CPNE4: variants seen among roughly 807,000 people sequenced by gnomAD.
CPNE4 encodes copine-4.
CPNE4 carries 25 observed loss-of-function variants against 67.9 expected under a neutral mutation model. The ratio of observed to expected loss-of-function variants is 0.37; its 90% CI spans 0.27 to 0.51. CPNE4 has a LOEUF of 0.51. Among genes scored for constraint, CPNE4 ranks in the 20% least tolerant of loss-of-function variants. CPNE4 has a pLI of 0.93. For synonymous variants in CPNE4, 242 were observed against 244.9 expected (o/e 0.99, Z 0.11); for missense variants, 464 against 690.8 (o/e 0.67, Z 3.68).
intron 1 of CPNE4, among the ~76,000 whole-genome samples, chr3:131,945,748 C>G (rs770516798): frequency 6.6e-6 from 1 of 152,178 alleles, no homozygotes; most frequent in Non-Finnish European, 1.5e-5. Flanking sequence ...CTCCTGGCAT[C>G]TCCTTCTTAG....
At chr3:131,549,546 T>C (rs1051965272) in intron 14 of CPNE4, among the ~76,000 whole-genome samples, 10 of 152,156 alleles carry the variant, frequency 6.6e-5, no homozygotes, top group Non-Finnish European at 1.0e-4. Context: ...GAATCATCCA[T>C]TGTTTTACTT....
intron 7 of CPNE4, among the ~76,000 whole-genome samples, chr3:131,652,674 C>T (rs2079844237): frequency 6.6e-6 from 1 of 152,128 alleles, no homozygotes; most frequent in Non-Finnish European, 1.5e-5. Flanking sequence ...TCCTTCTAGT[C>T]ATACACACAC....
chr3:131,623,899 C>A (rs7646444), intron 7 of CPNE4, among the ~76,000 whole-genome samples: 41,902 of 152,006 alleles, frequency 0.28, 9,523 homozygotes, highest in African/African-American at 0.63. Flanking sequence ...TTCATTCAAT[C>A]GGTAATGGGT....
intron 1 of CPNE4, among the ~76,000 whole-genome samples, chr3:131,947,585 C>T (rs963008545): frequency 6.6e-6 from 1 of 152,198 alleles, no homozygotes; most frequent in South Asian, 2.1e-4. Context: ...TTTATGGCTG[C>T]ATAGTATTCC....
At chr3:131,549,327 C>T (rs1292697384) in intron 14 of CPNE4, among the ~76,000 whole-genome samples, 1 of 151,934 alleles carries the variant, frequency 6.6e-6, no homozygotes, top group Non-Finnish European at 1.5e-5. Context: ...TCCACTAAAT[C>T]TGGAAAAAAT....
At chr3:131,841,078 C>A (rs1174749126) in intron 2 of CPNE4, among the ~76,000 whole-genome samples, 1 of 152,144 alleles carries the variant, frequency 6.6e-6, no homozygotes, top group Non-Finnish European at 1.5e-5. Context: ...AATGGTTAGA[C>A]AGAACCATCA....
At chr3:131,822,729 G>A (rs949827221) in intron 2 of CPNE4, among the ~76,000 whole-genome samples, 4 of 152,160 alleles carry the variant, frequency 2.6e-5, no homozygotes, top group African/African-American at 4.8e-5. Context: ...CATTTGGGAA[G>A]TATTCCTGTT....
intron 7 of CPNE4, among the ~76,000 whole-genome samples, chr3:131,607,113 C>T (rs989332856): frequency 2.0e-5 from 3 of 151,790 alleles, no homozygotes; most frequent in Non-Finnish European, 2.9e-5. Flanking sequence ...CTCCTCTAAA[C>T]AATAATTATG....
intron 7 of CPNE4, among the ~76,000 whole-genome samples, chr3:131,613,330 T>C (rs1231612803): frequency 6.6e-6 from 1 of 152,206 alleles, no homozygotes; most frequent in Non-Finnish European, 1.5e-5. Context: ...TCTAGTTTCT[T>C]GTGGCTTCAC....
chr3:131,785,441 C>T (rs111914504), intron 2 of CPNE4, among the ~76,000 whole-genome samples: 91 of 152,210 alleles, frequency 6.0e-4, no homozygotes, highest in African/African-American at 2.0e-3. Flanking sequence ...TACTGTGACG[C>T]CATGACCACT....
chr3:131,536,011 G>T (rs1935123732), intron 15 of CPNE4, among the ~76,000 whole-genome samples: 1 of 152,174 alleles, frequency 6.6e-6, no homozygotes, highest in Admixed American at 6.6e-5. Flanking sequence ...TTAATACATA[G>T]AGAAGGGGTA....
chr3:132,029,622 A>C (rs546152430), intron 1 of CPNE4, among the ~76,000 whole-genome samples: 22 of 152,194 alleles, frequency 1.4e-4, no homozygotes, highest in Non-Finnish European at 3.2e-4. Flanking sequence ...CTACACTTGG[A>C]TAAGAAAGAG....
At chr3:131,703,482 G>C (rs1023370397) in intron 3 of CPNE4, among the ~76,000 whole-genome samples, 1 of 152,174 alleles carries the variant, frequency 6.6e-6, no homozygotes. Context: ...ATCCACCCAC[G>C]GATCTGGGGA....
At position 131,681,898 on chromosome 3, in the gene CPNE4, A is replaced by G. The variant is rs567052043; in HGVS notation, c.591+3977T>C. On this transcript the variant is annotated intron_variant, in intron 6 of 15. Transcript: ENST00000429747. ...GCTAATTCTTTCTTCTGCTTGATCA[A>G]TTCTGCTGTTAGGATAATTTGATAC... is the stretch of plus-strand genomic sequence containing the variant. 5.3e-5 allele frequency among the ~76,000 whole-genome samples: 8 copies of G among 151,956 alleles called. No individual in the cohort carries two copies. The South Asian group carries it at 1.5e-3, about 28-fold the overall frequency.
intron 1 of CPNE4, among the ~76,000 whole-genome samples, chr3:131,983,044 AT>A (rs1253561426): frequency 6.6e-6 from 1 of 152,068 alleles, no homozygotes; most frequent in Non-Finnish European, 1.5e-5. Context: ...TGTTACCAAA[AT>A]TTTTGTCTAA....
At chr3:131,851,810 G>A (rs969167032) in intron 2 of CPNE4, among the ~76,000 whole-genome samples, 1 of 152,024 alleles carries the variant, frequency 6.6e-6, no homozygotes, top group African/African-American at 2.4e-5. Context: ...ATACATAAAA[G>A]GGGTCTTTTA....
chr3:131,999,345 G>C (rs61794864), intron 1 of CPNE4, among the ~76,000 whole-genome samples: 28,802 of 150,288 alleles, frequency 0.19, 3,403 homozygotes, highest in East Asian at 0.4. Context: ...AAACTAACTG[G>C]GGATCATCCA....
At chr3:131,620,661 G>T (rs939676793) in intron 7 of CPNE4, among the ~76,000 whole-genome samples, 31 of 152,168 alleles carry the variant, frequency 2.0e-4, no homozygotes, top group Non-Finnish European at 4.4e-4. Flanking sequence ...ATAATTACAA[G>T]AGTCCTTATA....
intron 2 of CPNE4, among the ~76,000 whole-genome samples, chr3:131,872,754 A>G (rs560060065): frequency 1.3e-5 from 2 of 152,256 alleles, no homozygotes; most frequent in Non-Finnish European, 2.9e-5. Context: ...CCCAAACACC[A>G]TGTTGTGAGG....
Sources: allele counts gnomAD v4.1 joint callset (sites outside exome capture counted in the v4.1 genomes callset), GRCh38; gene constraint gnomAD v4.1.1; transcripts MANE v1.5; gene names NCBI Gene and HGNC (gene_info 2026-07-23, HGNC 2026-07-21).